Variants in ABCA12 observed in about 807,000 individuals in gnomAD.
The protein encoded by ABCA12 is ATP binding cassette subfamily A member 12.
In ABCA12, 156 loss-of-function variants were observed where a neutral mutation model predicts 293.5. That is an observed-to-expected ratio of 0.53 (90% CI 0.47 to 0.61). ABCA12 has a LOEUF of 0.61. Ranked by LOEUF, ABCA12 falls within the 20% of genes least tolerant of loss-of-function variation. The pLI is 0.00. For synonymous variants in ABCA12, 1,063 were observed against 1,108.0 expected, an observed-to-expected ratio of 0.96 and a Z score of 0.81; for missense variants, 2,797 against 3,090.2, an observed-to-expected ratio of 0.91 and a Z score of 2.25.
intron 2 of ABCA12, among the ~76,000 whole-genome samples, chr2:215,085,941 A>G (rs549520748): frequency 6.6e-6 from 1 of 152,360 alleles, no homozygotes; most frequent in South Asian, 2.1e-4. Context: ...ATAAAGAATA[A>G]AAAGTAACAG....
chr2:215,120,225 C>T (rs911130578), intron 1 of ABCA12, among the ~76,000 whole-genome samples: 10 of 151,800 alleles, frequency 6.6e-5, no homozygotes, highest in East Asian at 1.9e-4. Flanking sequence ...AAACATTGAG[C>T]GCTTATGGAC....
At chr2:215,003,427 C>T (rs1001671075) in intron 20 of ABCA12, among the ~76,000 whole-genome samples, 5 of 152,178 alleles carry the variant, frequency 3.3e-5, no homozygotes, top group Admixed American at 6.5e-5. Context: ...CTCCCCATTG[C>T]GTTTTTCTTG....
chr2:215,010,410 C>T lies in ABCA12; in HGVS notation c.2393G>A (p.Trp798Ter), dbSNP rs1340933030. The T allele has an allele frequency of 6.2e-7, 1 of 1,613,712 alleles. No homozygotes were observed. The highest frequency in any genetic ancestry group is 1.1e-5 in the South Asian group (1 of 91,074). ...CAACAACATAGGTTTCAAGAAAGCC[C>T]AAATCACAGGTCCAGCGGGCATGTT... ...IINMPAGPVIWAFLKPMLLGR... is the reference protein window; with the variant it reads ...IINMPAGPVI The change falls in exon 18 of 53, where the codon TGG becomes TAG. Residue 798 changes from tryptophan to a stop codon, truncating the protein, a stop_gained. Transcript: ENST00000272895. LOFTEE classifies it high-confidence loss of function.
At chr2:215,104,992 T>C (rs545894713) in intron 2 of ABCA12, among the ~76,000 whole-genome samples, 15 of 152,136 alleles carry the variant, frequency 9.9e-5, no homozygotes, top group Non-Finnish European at 1.6e-4. Flanking sequence ...CAGACTCACA[T>C]TGAGTTTTTT....
chr2:214,961,838 A>G (rs1240328781), intron 39 of ABCA12: 1 of 152,138 alleles, frequency 6.6e-6, no homozygotes, highest in Non-Finnish European at 1.5e-5. Context: ...GGGGAAAAAA[A>G]TACTGTTTTC....
At chr2:214,949,373 T>TACACACACAC (rs1243088387) in intron 45 of ABCA12, among the ~76,000 whole-genome samples, 42 of 145,684 alleles carry the variant, frequency 2.9e-4, no homozygotes, top group African/African-American at 1.1e-3. Context: ...TATATATATA[T>TACACACACAC]ATATACACAC....
chr2:215,046,004 G>A lies in ABCA12; in HGVS notation c.705C>T (p.Asp235=), dbSNP rs2106049004. 6.2e-7 allele frequency: 1 copy of A among 1,613,380 alleles called. No homozygotes were observed. Among genetic ancestry groups the A allele is most frequent in the Non-Finnish European group, 8.5e-7 (1 of 1,179,692 alleles). ...LNKQFSQLSS[D]PNNQKIVFQE... ...GAAACACTATCTTCTGATTGTTGGG[G>A]TCACTGGATAGCTTAAAATATAAAA... Residue 235 remains aspartate, a synonymous_variant, in exon 7 of 53, where the codon GAC becomes GAT. Coordinates refer to ENST00000272895, the MANE Select transcript of ABCA12 (RefSeq NM_173076.3).
chr2:215,064,139 A>G lies in ABCA12; in HGVS notation c.244T>C (p.Cys82Arg). The change falls in exon 3 of 53, where the codon TGC becomes CGC. Residue 82 changes from cysteine (C) to arginine (R), a missense_variant. This residue lies in a region of ABCA12 where 656 missense variants were observed against 638.2 expected (regional missense o/e 1.03). Transcript: ENST00000272895. The part of the protein sequence containing the change: ...QTLLCDTDSK[C>R]KDTPYGPQDL... ...TGTGGGCCATAGGGTGTGTCTTTGC[A>G]TTTAGAGTCTGTGTCACAGAGTAGG... The G allele has an allele frequency of 6.2e-7, 1 of 1,612,970 alleles. No homozygotes were observed. The highest frequency in any genetic ancestry group is 1.1e-5 in the South Asian group (1 of 91,070).
In ABCA12 at chr2:214,986,673, G is replaced by T. The variant is rs775246769; in HGVS notation, c.4032C>A (p.Val1344=). 2 of 1,614,082 alleles carry T rather than the reference G, an allele frequency of 1.2e-6. No homozygotes were observed. The highest frequency in any genetic ancestry group is 2.2e-5 in the South Asian group (2 of 91,078). The change falls in exon 28 of 53, where the codon GTC becomes GTA. Residue 1344 remains valine, a synonymous_variant. Coordinates refer to ENST00000272895, the MANE Select transcript of ABCA12 (RefSeq NM_173076.3). ...NIEPEPKDLT[V]GVALHGVTKI... is the part of the protein sequence containing the mutation. The stretch of plus-strand genomic sequence containing the variant: ...TTGTGACCCCATGCAGGGCAACCCC[G>T]ACTGTGAGATCTTTAGGTTCAGGCT...
chr2:215,130,572 G>C (rs1048047480), intron 1 of ABCA12, among the ~76,000 whole-genome samples: 4 of 152,084 alleles, frequency 2.6e-5, no homozygotes, highest in Admixed American at 6.6e-5. Flanking sequence ...TGAGTATGTT[G>C]ATTTTGTATC....
chr2:214,934,004 A>G, intron 52 of ABCA12, 74 bp downstream of exon 52: 1 of 1,487,514 alleles, frequency 6.7e-7, no homozygotes. Context: ...GAATGTAATT[A>G]AAAAGAAATA....
At chr2:215,052,361 G>T in intron 5 of ABCA12, 126 bp downstream of exon 5, 1 of 755,034 alleles carries the variant, frequency 1.3e-6, no homozygotes, top group Non-Finnish European at 2.3e-6. Flanking sequence ...AAGAAAAGAA[G>T]TTGCCTGAGA....
Position 214,942,961 on chromosome 2 carries a change from A to AACTT in ABCA12, c.7396_7399dup (p.Phe2467Ter). On this transcript the variant is annotated stop_gained and frameshift_variant, in exon 50 of 53. Coordinates refer to ENST00000272895, the MANE Select transcript of ABCA12 (RefSeq NM_173076.3). LOFTEE classifies it high-confidence loss of function. Reference sequence around the variant, plus strand: ...GTGCTGCAAAGATCCAATACATTGAAACTTTCCATTCACCATAATGGCCAA... The same window carrying AACTT: ...GTGCTGCAAAGATCCAATACATTGAAACTTACTTTCCATTCACCATAATGGCCAA... 2 of 1,613,534 alleles carry AACTT rather than the reference A, an allele frequency of 1.2e-6. No individual in the cohort carries two copies. The highest frequency in any genetic ancestry group is 1.7e-6 in the Non-Finnish European group (2 of 1,179,786).
Position 214,990,784 on chromosome 2 carries a change from A to T in ABCA12, c.3542T>A (p.Leu1181His). 1 of 1,614,170 alleles carries T rather than the reference A, an allele frequency of 6.2e-7. No homozygotes were observed. Among genetic ancestry groups the T allele is most frequent in the Non-Finnish European group, 8.5e-7 (1 of 1,179,994 alleles). Reference protein sequence around the residue: ...NTNIAALIGSLIYIIAFFPFI... With the variant: ...NTNIAALIGSHIYIIAFFPFI... ...TGGAAAGAAGGCAATGATGTAGATG[A>T]GGCTTCCGATCAGAGCTGCAATGTT... Residue 1181 changes from leucine (L) to histidine (H), a missense_variant, in exon 24 of 53, where the codon CTC (leucine) becomes CAC (histidine). Physicochemically the swap from Leu to His is moderately conservative, Grantham distance 99. This residue lies in a region of ABCA12 where 2,130 missense variants were observed against 2,427.0 expected (regional missense o/e 0.88). Transcript: ENST00000272895.
chr2:214,942,909 T>C lies in ABCA12; in HGVS notation c.7436+16A>G. 6.2e-7 allele frequency: 1 copy of C among 1,607,954 alleles called. No homozygotes were observed. The highest frequency in any genetic ancestry group is 1.3e-5 in the African/African-American group (1 of 74,904). On this transcript the variant is annotated intron_variant, in intron 50 of 52. Transcript: ENST00000272895. ...TGACCCAACACTATCTGTTAAGCAA[T>C]GCATTTGTTCTTCACCTGCTCTTTA... is the stretch of plus-strand genomic sequence containing the variant.
chr2:215,060,129 G>A (rs1300259072), intron 3 of ABCA12, among the ~76,000 whole-genome samples: 2 of 151,988 alleles, frequency 1.3e-5, no homozygotes, highest in Non-Finnish European at 2.9e-5. Context: ...TTCACCATTT[G>A]TTGTCTAATA....
chr2:215,001,904 G>A (rs1031760167), intron 20 of ABCA12, among the ~76,000 whole-genome samples, 167 bp from the exon 21 acceptor site: 28 of 152,230 alleles, frequency 1.8e-4, no homozygotes, highest in African/African-American at 4.1e-4. Context: ...AAAATGGGTC[G>A]TTATGCAAAT....
At position 214,983,839 on chromosome 2, in the gene ABCA12, G is replaced by T. The variant is rs1699725166; in HGVS notation, c.4190C>A (p.Ala1397Asp). ...ATATACAAAAATGGTGCCTGCTGAGGCCCCAAACAGCCCAGTTAACATGGA... is the reference window on the plus strand; with the variant it reads ...ATATACAAAAATGGTGCCTGCTGAGTCCCCAAACAGCCCAGTTAACATGGA... ...TISMLTGLFG[A>D]SAGTIFVYGK... The change falls in exon 29 of 53, where the codon GCC (alanine) becomes GAC (aspartate). Residue 1397 changes from alanine to aspartate, a missense_variant. Physicochemically the swap from Ala to Asp is moderately radical, Grantham distance 126. Transcript: ENST00000272895. 1 of 1,613,926 alleles carries T rather than the reference G, an allele frequency of 6.2e-7. No individual in the cohort carries two copies. The highest frequency in any genetic ancestry group is 1.1e-5 in the South Asian group (1 of 91,066).
At chr2:215,027,162 G>A (rs1332449958) in intron 9 of ABCA12, among the ~76,000 whole-genome samples, 2 of 152,052 alleles carry the variant, frequency 1.3e-5, no homozygotes, top group Non-Finnish European at 2.9e-5. Context: ...GGCTAACACA[G>A]TGTAAACCTC....
Sources: gnomAD v4.1 joint callset for allele counts (sites outside exome capture counted in the v4.1 genomes callset) on GRCh38, gnomAD v4.1.1 for gene constraint, gnomAD v4.1.1 regional missense constraint, MANE v1.5 for transcripts, NCBI Gene and HGNC (gene_info 2026-07-23, HGNC 2026-07-21) for gene names.